TRAK1: variants seen among roughly 807,000 people sequenced by gnomAD.
TRAK1 encodes the protein trafficking kinesin protein 1, also known as trafficking kinesin-binding protein 1.
A neutral mutation model predicts 92.1 loss-of-function variants in TRAK1; 33 were observed. The observed-to-expected ratio is 0.36, with a 90% CI of 0.27 to 0.48. The LOEUF (loss-of-function observed/expected upper bound fraction) is 0.48. TRAK1 is among the 20% of genes least tolerant of loss of function. The pLI, the probability that TRAK1 is intolerant of heterozygous loss-of-function variation, is 0.99. For missense variants in TRAK1, 1,123 were observed against 1,257.9 expected (o/e 0.89, Z 1.62); for synonymous variants, 521 against 517.3 (o/e 1.01, Z -0.10).
rs1284479319 is a variant in TRAK1, at chr3:42,224,365, T to C, written c.*628T>C. ...GGTGTGACCTTTTGTTTTCATGCCT[T>C]CCCCTTGAAGTCATCCTGTGTTTTG... On this transcript the variant is annotated 3_prime_UTR_variant, in exon 16 of 16. Coordinates refer to ENST00000327628, the MANE Select transcript of TRAK1 (RefSeq NM_001042646.3). 3.6e-5 allele frequency: 10 copies of C among 275,074 alleles called. No homozygotes were observed. Among genetic ancestry groups the C allele is most frequent in the African/African-American group, 7.0e-5 (3 of 42,724 alleles). 17.0% of individuals were successfully genotyped at this position (275,074 alleles called of 1,614,324 possible).
Position 42,223,658 on chromosome 3 carries a change from T to C in TRAK1, c.2783T>C (p.Met928Thr), listed in dbSNP as rs1331860382. The C allele has an allele frequency of 3.1e-6, 5 of 1,614,114 alleles. No homozygotes were observed. Among genetic ancestry groups the C allele is most frequent in the Non-Finnish European group, 4.2e-6 (5 of 1,180,010 alleles). ...TTCCCCACCATGGTGGGATCTAGCA[T>C]GCAGATGAAAGCTCCTGTGACTCTC... ...RSFPTMVGSS[M>T]QMKAPVTLTS... is the part of the protein sequence containing the mutation. Residue 928 changes from methionine to threonine, a missense_variant, in exon 16 of 16, where the codon ATG (methionine) becomes ACG (threonine). Physicochemically the swap from Met to Thr is moderately conservative, Grantham distance 81. Coordinates refer to ENST00000327628, the MANE Select transcript of TRAK1 (RefSeq NM_001042646.3). The surrounding 1 kb of genome is among the most constrained non-coding windows in gnomAD (Gnocchi z 6.1).
chr3:42,040,059 A>G (rs1490913422), intron 1 of TRAK1, among the ~76,000 whole-genome samples: 3 of 151,626 alleles, frequency 2.0e-5, no homozygotes, highest in African/African-American at 7.3e-5. Flanking sequence ...TTTTTTTTAA[A>G]TTGTGAGAGT....
chr3:42,200,738 C>G, intron 11 of TRAK1, 80 bp from the exon 12 acceptor site: 4 of 1,457,146 alleles, frequency 2.7e-6, no homozygotes, highest in Non-Finnish European at 3.8e-6. Flanking sequence ...CCTTTTGGCT[C>G]AGTTGATCAT....
intron 6 of TRAK1, among the ~76,000 whole-genome samples, chr3:42,190,780 C>CCTCCCTCT (rs1361067034): frequency 2.9e-4 from 44 of 152,094 alleles, no homozygotes; most frequent in African/African-American, 1.0e-3. Context: ...CTCCTCCCTC[C>CCTCCCTCT]CTCCCTCTCT....
chr3:42,160,460 C>T (rs1337076183), intron 2 of TRAK1: 1 of 1,614,038 alleles, frequency 6.2e-7, no homozygotes, highest in East Asian at 2.2e-5. Flanking sequence ...ACACCCAGGA[C>T]CTCTTGGAAG....
rs754404862 is a variant in TRAK1, at chr3:42,223,747, G to T, written c.*10G>T. 3.8e-6 allele frequency: 6 copies of T among 1,592,978 alleles called. No homozygotes were observed. Among genetic ancestry groups the T allele is most frequent in the South Asian group, 2.2e-5 (2 of 89,116 alleles). ...AACTAGCTTACGGTGAGGACTGGAG[G>T]GGGGCCGGTTGCCCTAGAGGAGACC... On this transcript the variant is annotated 3_prime_UTR_variant, in exon 16 of 16. Coordinates refer to ENST00000327628, the MANE Select transcript of TRAK1 (RefSeq NM_001042646.3). The surrounding 1 kb of genome is among the most constrained non-coding windows in gnomAD (Gnocchi z 6.1).
intron 1 of TRAK1, chr3:42,051,402 A>G (rs1041138162): frequency 1.3e-5 from 2 of 152,252 alleles, no homozygotes; most frequent in African/African-American, 2.4e-5. Context: ...AGATTTTTCT[A>G]TGGCGTTTCC....
chr3:42,125,531 A>T lies in TRAK1; in HGVS notation c.203A>T (p.Asp68Val). ...ACCATCTACGGTTATGACCACGACG[A>T]CTGGCTCCATACACCTCTCATTTCT... ...ADTIYGYDHDDWLHTPLISPD... is the reference protein window; with the variant it reads ...ADTIYGYDHDVWLHTPLISPD... The change falls in exon 2 of 16, where the codon GAC (aspartate) becomes GTC (valine). Residue 68 changes from aspartate (D) to valine (V), a missense_variant. Transcript: ENST00000327628. 1 of 1,614,240 alleles carries T rather than the reference A, an allele frequency of 6.2e-7. No individual in the cohort carries two copies. Among genetic ancestry groups the T allele is most frequent in the Non-Finnish European group, 8.5e-7 (1 of 1,180,040 alleles).
chr3:42,040,620 C>G (rs1453047009), intron 1 of TRAK1, among the ~76,000 whole-genome samples: 1 of 150,970 alleles, frequency 6.6e-6, no homozygotes, highest in Non-Finnish European at 1.5e-5. Flanking sequence ...TATCTGGGCT[C>G]TTATTTCTGG....
chr3:42,071,019 T>A (rs1354077602), intron 1 of TRAK1, among the ~76,000 whole-genome samples: 1 of 152,180 alleles, frequency 6.6e-6, no homozygotes, highest in African/African-American at 2.4e-5. Flanking sequence ...GAGGGTGATG[T>A]TGTGGGCCTC....
rs1702075078 is a variant in TRAK1 at position 42,030,318 on chromosome 3, C to T, written c.-519+16201C>T. The stretch of plus-strand genomic sequence containing the variant: ...GCAAGGCAGCAGTAAGCTGTGATCT[C>T]GCCACTGTACTCCAGCCTGTGAGAC... On this transcript the variant is annotated intron_variant, in intron 1 of 16. Coordinates refer to the TRAK1 transcript ENST00000487159. 6.0e-5 allele frequency among the ~76,000 whole-genome samples: 9 copies of T among 148,962 alleles called. No homozygotes were observed. The South Asian group carries it at 1.7e-3, about 28-fold the overall frequency.
At chr3:42,074,134 G>A (rs2148941450) in intron 1 of TRAK1, among the ~76,000 whole-genome samples, 1 of 152,272 alleles carries the variant, frequency 6.6e-6, no homozygotes, top group Non-Finnish European at 1.5e-5. Flanking sequence ...GCCATCATAG[G>A]GCAAGCAGTG....
At chr3:42,030,583 A>G (rs1371838397) in intron 1 of TRAK1, among the ~76,000 whole-genome samples, 2 of 147,706 alleles carry the variant, frequency 1.4e-5, no homozygotes, top group African/African-American at 5.0e-5. Context: ...TGAGGCAGGA[A>G]TATTGCTTGA....
chr3:42,185,254 G>A (rs1704623721), intron 4 of TRAK1, among the ~76,000 whole-genome samples: 1 of 152,210 alleles, frequency 6.6e-6, no homozygotes, highest in Admixed American at 6.5e-5. Flanking sequence ...GCCCTGTTAG[G>A]AGGCCAGCTC....
chr3:42,024,398 G>T (rs1479481701), intron 1 of TRAK1, among the ~76,000 whole-genome samples: 1 of 152,234 alleles, frequency 6.6e-6, no homozygotes, highest in Non-Finnish European at 1.5e-5. Context: ...CAGAAGAGAT[G>T]CTGGCTTAGC....
chr3:42,028,731 G>A (rs534774081), intron 1 of TRAK1, among the ~76,000 whole-genome samples: 194 of 152,252 alleles, frequency 1.3e-3, no homozygotes, highest in South Asian at 3.1e-3. Context: ...GTCAGGGGAC[G>A]GCTGCATCCC....
At chr3:42,016,317 G>T (rs1701525289) in intron 1 of TRAK1, among the ~76,000 whole-genome samples, 1 of 152,088 alleles carries the variant, frequency 6.6e-6, no homozygotes, top group Non-Finnish European at 1.5e-5. Flanking sequence ...TGATTCTTTG[G>T]CCTCAGCCTC....
intron 3 of TRAK1, among the ~76,000 whole-genome samples, chr3:42,178,975 AAAAAT>A (rs1445922083): frequency 1.3e-5 from 2 of 152,166 alleles, no homozygotes; most frequent in Non-Finnish European, 1.5e-5. Flanking sequence ...CTCTGTCTCA[AAAAAT>A]AAAACAAAAC....
chr3:42,038,360 C>G (rs1476748567), intron 1 of TRAK1, among the ~76,000 whole-genome samples: 1 of 152,178 alleles, frequency 6.6e-6, no homozygotes, highest in Admixed American at 6.6e-5. Flanking sequence ...GTTCTCACTC[C>G]GTTGTCCAGG....
Sources: allele counts gnomAD v4.1 joint callset (sites outside exome capture counted in the v4.1 genomes callset), GRCh38; gene constraint gnomAD v4.1.1; non-coding constraint Gnocchi (gnomAD v3.1); transcripts MANE v1.5; gene names NCBI Gene and HGNC (gene_info 2026-07-23, HGNC 2026-07-21).